The following GABRA2 variants were observed in gnomAD, a reference collection of about 807,000 sequenced individuals.
GABRA2 encodes the protein gamma-aminobutyric acid type A receptor subunit alpha2, also known as gamma-aminobutyric acid receptor subunit alpha-2.
A neutral mutation model predicts 48.7 loss-of-function variants in GABRA2; 16 were observed. That is an observed-to-expected ratio of 0.33 (90% CI 0.22 to 0.50). GABRA2 has a LOEUF of 0.50. GABRA2 is among the 20% of genes least tolerant of loss of function. The pLI is 0.98. For synonymous variants in GABRA2, 185 were observed against 184.5 expected (o/e 1.00, Z -0.02); for missense variants, 275 against 535.6 (o/e 0.51, Z 4.80).
At chr4:46,255,498 A>G (rs982380588) in intron 9 of GABRA2, among the ~76,000 whole-genome samples, 1 of 151,582 alleles carries the variant, frequency 6.6e-6, no homozygotes, top group African/African-American at 2.4e-5. Context: ...TTAGACCCAT[A>G]TCAGAAGGTG....
intron 4 of GABRA2, among the ~76,000 whole-genome samples, chr4:46,318,951 G>A (rs1212362342): frequency 2.0e-5 from 3 of 151,620 alleles, no homozygotes; most frequent in African/African-American, 7.3e-5. Flanking sequence ...TTTCACAGAT[G>A]GGAATATAGA....
intron 8 of GABRA2, among the ~76,000 whole-genome samples, chr4:46,265,340 A>G (rs964414736): frequency 2.6e-5 from 3 of 114,030 alleles, no homozygotes; most frequent in Admixed American, 1.9e-4. Flanking sequence ...GCGCCTTGCC[A>G]CTTTATATAT....
At chr4:46,264,997 A>ATATATATATATATATATATG (rs1375371251) in intron 8 of GABRA2, among the ~76,000 whole-genome samples, 4 of 136,254 alleles carry the variant, frequency 2.9e-5, no homozygotes, top group Non-Finnish European at 6.1e-5. Context: ...ATATATATAT[A>ATATATATATATATATATATG]TATATGTATA....
At chr4:46,322,890 C>G (rs983782540) in intron 4 of GABRA2, among the ~76,000 whole-genome samples, 1 of 151,908 alleles carries the variant, frequency 6.6e-6, no homozygotes, top group African/African-American at 2.4e-5. Context: ...CTTAAATTCG[C>G]AGGTGTCAAG....
chr4:46,296,817 G>T (rs2109577798), intron 8 of GABRA2, among the ~76,000 whole-genome samples: 1 of 152,228 alleles, frequency 6.6e-6, no homozygotes, highest in East Asian at 1.9e-4. Flanking sequence ...TCTTTCGTTT[G>T]TTAAAAATGT....
At chr4:46,255,970 G>T (rs1715725770) in intron 9 of GABRA2, among the ~76,000 whole-genome samples, 1 of 151,604 alleles carries the variant, frequency 6.6e-6, no homozygotes. Flanking sequence ...TTACAGTAAA[G>T]AAATGGGGCT....
At chr4:46,330,581 T>TAGAGAG (rs1208739474) in intron 4 of GABRA2, among the ~76,000 whole-genome samples, 106 of 105,346 alleles carry the variant, frequency 1.0e-3, no homozygotes, top group African/African-American at 3.2e-3. Flanking sequence ...TATATATATA[T>TAGAGAG]ATATATATAT....
intron 8 of GABRA2, among the ~76,000 whole-genome samples, chr4:46,272,755 A>G (rs1719583832): frequency 6.6e-6 from 1 of 152,032 alleles, no homozygotes; most frequent in Non-Finnish European, 1.5e-5. Flanking sequence ...TAGGAGGAAC[A>G]GACAGAAGGC....
chr4:46,376,044 A>G (rs1034996996), intron 3 of GABRA2, among the ~76,000 whole-genome samples: 2 of 152,212 alleles, frequency 1.3e-5, no homozygotes, highest in Admixed American at 6.5e-5. Flanking sequence ...ATGACAGTGT[A>G]CATGCCTCAT....
chr4:46,332,544 G>T, intron 4 of GABRA2, 71 bp downstream of exon 4: 1 of 849,700 alleles, frequency 1.2e-6, no homozygotes, highest in Non-Finnish European at 2.0e-6. Flanking sequence ...CACTAAAAAT[G>T]CTAGTTTATT....
At chr4:46,352,269 C>T (rs1285831270) in intron 3 of GABRA2, among the ~76,000 whole-genome samples, 1 of 151,822 alleles carries the variant, frequency 6.6e-6, no homozygotes, top group Non-Finnish European at 1.5e-5. Flanking sequence ...TCATGTATGC[C>T]CTGATACTCC....
At chr4:46,330,411 T>C (rs528990623) in intron 4 of GABRA2, among the ~76,000 whole-genome samples, 1 of 151,874 alleles carries the variant, frequency 6.6e-6, no homozygotes, top group Admixed American at 6.6e-5. Flanking sequence ...CAAGGAGAGG[T>C]AGAGAATTAA....
At chr4:46,306,296 T>G (rs1445327968) in intron 6 of GABRA2, among the ~76,000 whole-genome samples, 1 of 152,158 alleles carries the variant, frequency 6.6e-6, no homozygotes, top group Non-Finnish European at 1.5e-5. Flanking sequence ...AATGAATCAA[T>G]GCACACAGAT....
chr4:46,359,109 C>A (rs1423795716), intron 3 of GABRA2, among the ~76,000 whole-genome samples: 1 of 152,126 alleles, frequency 6.6e-6, no homozygotes, highest in Non-Finnish European at 1.5e-5. Context: ...AGATAGTAAG[C>A]AGCAGAAGTG....
chr4:46,243,760 G>C lies in GABRA2; in HGVS notation c.*6548C>G, dbSNP rs1408616536. On this transcript the variant is annotated 3_prime_UTR_variant, in exon 10 of 10. Transcript: ENST00000381620. ...CAGAAAACCTACCAATAAGTATACT[G>C]TCACCCAGAAAATTTCAAATTTCAC... The C allele has an allele frequency of 6.6e-6, 1 of 151,344 alleles. No homozygotes were observed. Among genetic ancestry groups the C allele is most frequent in the Non-Finnish European group, 1.5e-5 (1 of 67,578 alleles). The allele number at this position is 151,344 out of a possible 1,614,324, so 9.4% of individuals were successfully genotyped here.
In GABRA2 at chr4:46,248,385, G is replaced by T. The variant is rs1235849160; in HGVS notation, c.*1923C>A. The T allele has an allele frequency of 1.3e-5, 2 of 151,334 alleles. No individual in the cohort carries two copies. The highest frequency in any genetic ancestry group is 3.0e-5 in the Non-Finnish European group (2 of 67,606). The allele number at this position is 151,334 out of a possible 1,614,324, so 9.4% of individuals were successfully genotyped here. A position where few individuals can be genotyped will look rare whatever the true frequency, so the allele number is the denominator to read the frequency against. On this transcript the variant is annotated 3_prime_UTR_variant, in exon 10 of 10. Coordinates refer to ENST00000381620, the MANE Select transcript of GABRA2 (RefSeq NM_000807.4). ...TTCTATTTCAATGTATGAATAAAGT[G>T]CACATTTTAAAACTAGGTGACAAAG...
rs566280941 is a variant in GABRA2, at chr4:46,389,072, T to C, written c.-10-356A>G. 8.9e-6 allele frequency: 9 copies of C among 1,015,872 alleles called. No homozygotes were observed. In the African/African-American group the frequency reaches 1.0e-4, roughly 12 times the overall value. The allele number at this position is 1,015,872 out of a possible 1,614,324, so 62.9% of individuals were successfully genotyped here. ...TAACACCCTGGACTTTAAACTGGCA[T>C]AGCAGCTGGAAAGGGAATGGGTTGG... On this transcript the variant is annotated intron_variant, in intron 1 of 9. Coordinates refer to ENST00000381620, the MANE Select transcript of GABRA2 (RefSeq NM_000807.4).
At chr4:46,306,587 A>G (rs532319587) in intron 6 of GABRA2, among the ~76,000 whole-genome samples, 9 of 152,306 alleles carry the variant, frequency 5.9e-5, no homozygotes, top group African/African-American at 2.2e-4. Flanking sequence ...AATTCTTTCT[A>G]TACTACTGAC....
At chr4:46,286,234 TAAGCATAGA>T (rs1722518639) in intron 8 of GABRA2, among the ~76,000 whole-genome samples, 1 of 152,100 alleles carries the variant, frequency 6.6e-6, no homozygotes, top group Admixed American at 6.5e-5. Context: ...CTTCTTTCAC[TAAGCATAGA>T]ATTTCTAAGG....
Sources: allele counts gnomAD v4.1 joint callset (sites outside exome capture counted in the v4.1 genomes callset), GRCh38; gene constraint gnomAD v4.1.1; transcripts MANE v1.5; gene names NCBI Gene and HGNC (gene_info 2026-07-23, HGNC 2026-07-21).